The following POU6F2 variants were observed in gnomAD, a reference collection of about 807,000 sequenced individuals.
POU6F2 encodes the protein POU domain, class 6, transcription factor 2.
In POU6F2, 31 loss-of-function variants were observed where a neutral mutation model predicts 71.3. The ratio of observed to expected loss-of-function variants is 0.43; its 90% CI spans 0.33 to 0.59. The LOEUF (loss-of-function observed/expected upper bound fraction) is 0.59. Among genes scored for constraint, POU6F2 ranks in the 20% least tolerant of loss-of-function variants. POU6F2 has a pLI of 0.04. For synonymous variants in POU6F2, 347 were observed against 355.7 expected (o/e 0.98, Z 0.27); for missense variants, 783 against 856.8 (o/e 0.91, Z 1.07).
chr7:39,292,921 C>G (rs954956867), intron 4 of POU6F2, among the ~76,000 whole-genome samples: 1 of 152,142 alleles, frequency 6.6e-6, no homozygotes, highest in South Asian at 2.1e-4. Context: ...AAGAAAACAT[C>G]AGAGTAGGCT....
chr7:39,130,920 G>C (rs1396257351), intron 2 of POU6F2, among the ~76,000 whole-genome samples: 1 of 152,238 alleles, frequency 6.6e-6, no homozygotes, highest in Non-Finnish European at 1.5e-5. Context: ...TGCTACGGGC[G>C]CCGGGAGCCT....
At chr7:39,224,146 G>A (rs1468226893) in intron 4 of POU6F2, among the ~76,000 whole-genome samples, 1 of 152,128 alleles carries the variant, frequency 6.6e-6, no homozygotes, top group African/African-American at 2.4e-5. Flanking sequence ...GAAAAGAATT[G>A]GTGTACAAAA....
intron 4 of POU6F2, among the ~76,000 whole-genome samples, chr7:39,217,719 G>T (rs1417421881): frequency 6.6e-6 from 1 of 152,264 alleles, no homozygotes; most frequent in East Asian, 1.9e-4. Flanking sequence ...AAGAAGTTAT[G>T]AAAAGTAGTT....
At chr7:39,005,352 T>C (rs1789029543) in intron 1 of POU6F2, 1 of 152,230 alleles carries the variant, frequency 6.6e-6, no homozygotes, top group African/African-American at 2.4e-5. Flanking sequence ...TGTCTCAGTG[T>C]CTACAGTTGT....
In POU6F2 at chr7:39,339,786, C is replaced by T. The variant is rs775328548; in HGVS notation, c.743C>T (p.Pro248Leu). ...PQAPSQSQQQ[P>L]LQPTPPQQPP... Reference sequence around the variant, plus strand: ...GCGCCCTCGCAGTCCCAGCAGCAGCCGCTGCAGCCCACCCCACCCCAGCAG... The same window carrying T: ...GCGCCCTCGCAGTCCCAGCAGCAGCTGCTGCAGCCCACCCCACCCCAGCAG... The change falls in exon 5 of 10, where the codon CCG becomes CTG. Residue 248 changes from proline (P) to leucine (L), a missense_variant. Coordinates refer to ENST00000518318, the MANE Select transcript of POU6F2 (RefSeq NM_001370959.1). 1.3e-5 allele frequency: 21 copies of T among 1,573,612 alleles called. No homozygotes were observed. Among genetic ancestry groups the T allele is most frequent in the East Asian group, 7.1e-5 (3 of 42,006 alleles).
At chr7:39,071,088 A>G (rs982268477) in intron 1 of POU6F2, among the ~76,000 whole-genome samples, 1 of 152,172 alleles carries the variant, frequency 6.6e-6, no homozygotes, top group Non-Finnish European at 1.5e-5. Flanking sequence ...TTATTATTAC[A>G]TTGTAATATA....
At chr7:39,105,801 C>T (rs1791671110) in intron 2 of POU6F2, among the ~76,000 whole-genome samples, 1 of 152,144 alleles carries the variant, frequency 6.6e-6, no homozygotes, top group Admixed American at 6.6e-5. Flanking sequence ...TTTCACTATT[C>T]TAAGAATTCT....
At chr7:39,355,833 C>A (rs747007013) in intron 5 of POU6F2, among the ~76,000 whole-genome samples, 5 of 151,976 alleles carry the variant, frequency 3.3e-5, no homozygotes, top group Non-Finnish European at 7.4e-5. Flanking sequence ...AGTAGTCCCA[C>A]CAAAAATGAG....
At chr7:39,225,490 C>A (rs1340905206) in intron 4 of POU6F2, among the ~76,000 whole-genome samples, 1 of 152,130 alleles carries the variant, frequency 6.6e-6, no homozygotes, top group Non-Finnish European at 1.5e-5. Context: ...ATTTCTTCAT[C>A]CCCTACCAAA....
In POU6F2 at chr7:39,253,997, A is replaced by G. The variant is rs577269163; in HGVS notation, c.598+46377A>G. Among the ~76,000 whole-genome samples the G allele has an allele frequency of 2.1e-4, 32 of 152,332 alleles. No homozygotes were observed. In the South Asian group the frequency reaches 6.6e-3, roughly 32 times the overall value. ...TTGAAAGTCAGGACACTTAAGGGCC[A>G]TTGGAAAATCAGTACAAGGAGAGTG... On this transcript the variant is annotated intron_variant, in intron 4 of 9. Coordinates refer to ENST00000518318, the MANE Select transcript of POU6F2 (RefSeq NM_001370959.1).
intron 4 of POU6F2, among the ~76,000 whole-genome samples, chr7:39,314,769 A>G (rs1785231136): frequency 6.6e-6 from 1 of 152,234 alleles, no homozygotes; most frequent in Non-Finnish European, 1.5e-5. Flanking sequence ...TAGCAAAGGC[A>G]TTAAAGAGAT....
At chr7:39,100,984 C>T (rs1003288969) in intron 2 of POU6F2, among the ~76,000 whole-genome samples, 1 of 152,114 alleles carries the variant, frequency 6.6e-6, no homozygotes, top group African/African-American at 2.4e-5. Context: ...GCCTGTCACC[C>T]AGCTCTGACC....
At chr7:39,283,779 A>T (rs1231182835) in intron 4 of POU6F2, among the ~76,000 whole-genome samples, 2 of 152,360 alleles carry the variant, frequency 1.3e-5, no homozygotes, top group Middle Eastern at 3.4e-3. Flanking sequence ...CCAAATGAAC[A>T]TGTTAAAGAA....
intron 7 of POU6F2, among the ~76,000 whole-genome samples, chr7:39,436,903 C>G (rs1160822859): frequency 2.0e-5 from 3 of 152,156 alleles, no homozygotes; most frequent in African/African-American, 7.2e-5. Context: ...GTCTTTGATT[C>G]TCTTTATGCA....
chr7:39,021,133 A>T (rs1789671534), intron 1 of POU6F2, among the ~76,000 whole-genome samples: 1 of 151,672 alleles, frequency 6.6e-6, no homozygotes. Flanking sequence ...GTTATATTTT[A>T]ATTGATGAAT....
chr7:38,995,154 G>A (rs1345691281), intron 1 of POU6F2, among the ~76,000 whole-genome samples: 1 of 152,160 alleles, frequency 6.6e-6, no homozygotes, highest in Non-Finnish European at 1.5e-5. Flanking sequence ...TTTTAAAAAG[G>A]GATCAAAAGT....
At chr7:39,395,280 A>C (rs945517909) in intron 5 of POU6F2, among the ~76,000 whole-genome samples, 2 of 152,146 alleles carry the variant, frequency 1.3e-5, no homozygotes, top group Admixed American at 6.5e-5. Flanking sequence ...AAAATATCAG[A>C]AGTGCCAAAC....
chr7:39,368,263 A>G (rs544987699), intron 5 of POU6F2, among the ~76,000 whole-genome samples: 1 of 152,348 alleles, frequency 6.6e-6, no homozygotes, highest in East Asian at 1.9e-4. Flanking sequence ...AAAGTGAAGC[A>G]GCCTTATTGC....
intron 2 of POU6F2, among the ~76,000 whole-genome samples, chr7:39,115,841 T>C (rs886904992): frequency 2.0e-5 from 3 of 152,188 alleles, no homozygotes; most frequent in Admixed American, 6.5e-5. Flanking sequence ...TCTGTTTGTA[T>C]AGTATACTTA....
Sources: gnomAD v4.1 joint callset for allele counts (sites outside exome capture counted in the v4.1 genomes callset) on GRCh38, gnomAD v4.1.1 for gene constraint, MANE v1.5 for transcripts, NCBI Gene and HGNC (gene_info 2026-07-23, HGNC 2026-07-21) for gene names.